BCL11B: variants seen among roughly 807,000 people sequenced by gnomAD.
BCL11B encodes the protein B-cell lymphoma/leukemia 11B.
BCL11B carries 8 observed loss-of-function variants against 49.9 expected under a neutral mutation model. The observed-to-expected ratio is 0.16, with a 90% CI of 0.09 to 0.29. The LOEUF (loss-of-function observed/expected upper bound fraction) is 0.29. Among genes scored for constraint, BCL11B ranks in the 10% least tolerant of loss-of-function variants. BCL11B has a pLI of 1.00. For missense variants in BCL11B, 1,006 were observed against 1,351.0 expected (o/e 0.74, Z 4.00); for synonymous variants, 739 against 637.4 (o/e 1.16, Z -2.40).
At chr14:99,204,656 G>A (rs978551086) in intron 3 of BCL11B, among the ~76,000 whole-genome samples, 1 of 152,194 alleles carries the variant, frequency 6.6e-6, no homozygotes, top group Non-Finnish European at 1.5e-5. Context: ...CCAGTGCTGG[G>A]CATCTGGGAG....
chr14:99,263,115 G>A (rs1489878200), intron 1 of BCL11B: 2 of 152,886 alleles, frequency 1.3e-5, no homozygotes, highest in Non-Finnish European at 2.9e-5. Context: ...CAGCCAGGCG[G>A]AGTCTGAAGC....
At position 99,231,266 on chromosome 14, in the gene BCL11B, C is replaced by T. The variant is rs1888323455; in HGVS notation, c.640+79G>A. ...TGGGAGCTGCCCTTCCTCCCTGGGTCCCCACCTTGCTCCAGCGCTGCCCAT... is the reference window on the plus strand; with the variant it reads ...TGGGAGCTGCCCTTCCTCCCTGGGTTCCCACCTTGCTCCAGCGCTGCCCAT... On this transcript the variant is annotated intron_variant, in intron 3 of 3. Transcript: ENST00000357195. The surrounding 1 kb of genome is among the most constrained non-coding windows in gnomAD (Gnocchi z 8.1). The T allele has an allele frequency of 6.8e-7, 1 of 1,470,930 alleles. No individual in the cohort carries two copies. Among genetic ancestry groups the T allele is most frequent in the Non-Finnish European group, 9.2e-7 (1 of 1,084,936 alleles). 91.1% of individuals were successfully genotyped at this position (1,470,930 alleles called of 1,614,324 possible). A position where few individuals can be genotyped will look rare whatever the true frequency, so the allele number is the denominator to read the frequency against.
intron 2 of BCL11B, among the ~76,000 whole-genome samples, chr14:99,255,568 C>G (rs1889138459): frequency 6.6e-6 from 1 of 152,118 alleles, no homozygotes; most frequent in African/African-American, 2.4e-5. Flanking sequence ...TTGGGAAATG[C>G]CTTCAATGTG....
intron 3 of BCL11B, among the ~76,000 whole-genome samples, chr14:99,216,575 G>A (rs1887840918): frequency 6.6e-6 from 1 of 152,172 alleles, no homozygotes; most frequent in Non-Finnish European, 1.5e-5. Flanking sequence ...GTCTCCCCCA[G>A]GAGGTACTAA....
chr14:99,232,297 G>C lies in BCL11B; in HGVS notation c.428-740C>G, dbSNP rs1458814204. Among the ~76,000 whole-genome samples the C allele has an allele frequency of 2.0e-5, 3 of 152,044 alleles. No individual in the cohort carries two copies. ...CAGCAAGGACACAGGGCCAGGGCCG[G>C]CCCCGCCTCTGCCCAGCCCCACAGC... On this transcript the variant is annotated intron_variant, in intron 2 of 3. Coordinates refer to ENST00000357195, the MANE Select transcript of BCL11B (RefSeq NM_138576.4). This position sits in a 1 kb window ranked among gnomAD's most constrained non-coding sequence, Gnocchi z 5.1.
At chr14:99,203,751 C>A (rs1429865601) in intron 3 of BCL11B, among the ~76,000 whole-genome samples, 2 of 152,130 alleles carry the variant, frequency 1.3e-5, no homozygotes, top group Non-Finnish European at 2.9e-5. Context: ...GAAGGGAGCC[C>A]CCCTACCCCC....
At chr14:99,238,112 C>T (rs1045212365) in intron 2 of BCL11B, among the ~76,000 whole-genome samples, 12 of 152,058 alleles carry the variant, frequency 7.9e-5, no homozygotes, top group Non-Finnish European at 1.5e-4. Context: ...AAGGCTTGGC[C>T]GTGAGGGAGA....
chr14:99,248,065 G>T lies in BCL11B; in HGVS notation c.427+9406C>A, dbSNP rs1233021729. Among the ~76,000 whole-genome samples the T allele has an allele frequency of 6.6e-6, 1 of 152,034 alleles. No individual in the cohort carries two copies. The highest frequency in any genetic ancestry group is 2.1e-4 in the South Asian group (1 of 4,822). The stretch of plus-strand genomic sequence containing the variant: ...AAGGCTATTTTGTTACTATTTTTCC[G>T]CCCAGAGGAGGCTGTGGTCCCAGTT... On this transcript the variant is annotated intron_variant, in intron 2 of 3. Coordinates refer to ENST00000357195, the MANE Select transcript of BCL11B (RefSeq NM_138576.4). The surrounding 1 kb of genome is among the most constrained non-coding windows in gnomAD (Gnocchi z 4.7).
chr14:99,183,200 G>C (rs1224078401), intron 3 of BCL11B, among the ~76,000 whole-genome samples: 1 of 152,114 alleles, frequency 6.6e-6, no homozygotes, highest in Non-Finnish European at 1.5e-5. Context: ...CATGATGCCA[G>C]ACCCACCCAC....
chr14:99,174,992 G>A lies in BCL11B; in HGVS notation c.1844C>T (p.Ala615Val). Residue 615 changes from alanine to valine, a missense_variant, in exon 4 of 4, where the codon GCC becomes GTC. By Grantham distance (64) the Ala-to-Val change is moderately conservative. Transcript: ENST00000357195. ...GALPQYGELLADKQKRGAFLK... is the reference protein window; with the variant it reads ...GALPQYGELLVDKQKRGAFLK... ...GAAGGCGCCGCGCTTCTGCTTGTCG[G>A]CCAGGAGCTCGCCGTACTGCGGCAG... is the stretch of plus-strand genomic sequence containing the variant. 6.3e-7 allele frequency: 1 copy of A among 1,580,262 alleles called. No individual in the cohort carries two copies. Among genetic ancestry groups the A allele is most frequent in the Non-Finnish European group, 8.5e-7 (1 of 1,170,284 alleles).
At chr14:99,181,432 C>T (rs541387114) in intron 3 of BCL11B, among the ~76,000 whole-genome samples, 14 of 152,380 alleles carry the variant, frequency 9.2e-5, no homozygotes, top group African/African-American at 2.6e-4. Flanking sequence ...CAAAGCGGCA[C>T]GGCCAGAAAG....
rs990457757 is a variant in BCL11B, at chr14:99,231,412, G to C, written c.573C>G (p.Val191=). Residue 191 remains valine (V), a synonymous_variant, in exon 3 of 4, where the codon GTC becomes GTG. Coordinates refer to ENST00000357195, the MANE Select transcript of BCL11B (RefSeq NM_138576.4). This position sits in a 1 kb window ranked among gnomAD's most constrained non-coding sequence, Gnocchi z 8.1. ...CCTCACCCTGAGTCCCGTCACCCGA[G>C]ACCGGGCGCGCGCTGCAGCACGGCA... is the stretch of plus-strand genomic sequence containing the variant. ...LPLPCCSARP[V]SGDGTQGEGQ... The C allele has an allele frequency of 6.3e-7, 1 of 1,597,732 alleles. No individual in the cohort carries two copies.
intron 2 of BCL11B, among the ~76,000 whole-genome samples, chr14:99,245,637 C>T (rs1429838525): frequency 6.6e-6 from 1 of 152,142 alleles, no homozygotes; most frequent in Non-Finnish European, 1.5e-5. Flanking sequence ...CGTGCGCCCC[C>T]AGCACCCGGG....
At chr14:99,211,301 A>C (rs1285179247) in intron 3 of BCL11B, among the ~76,000 whole-genome samples, 1 of 152,206 alleles carries the variant, frequency 6.6e-6, no homozygotes, top group African/African-American at 2.4e-5. Context: ...ATGGGCAACC[A>C]GGGGAGTAAA....
At position 99,254,096 on chromosome 14, in the gene BCL11B, C is replaced by T. The variant is rs116542547; in HGVS notation, c.427+3375G>A. 2.1e-3 allele frequency among the ~76,000 whole-genome samples: 320 copies of T among 152,316 alleles called. 3 individuals carry two copies. The highest frequency in any genetic ancestry group is 7.3e-3 in the African/African-American group (302 of 41,572). On this transcript the variant is annotated intron_variant, in intron 2 of 3. Transcript: ENST00000357195. ...CTCTGCCCATTATCCCCATGTTGGA[C>T]GCCCGCTCCCTCCTCTGGGGGCTGT...
intron 3 of BCL11B, among the ~76,000 whole-genome samples, chr14:99,187,087 G>A (rs1886874164): frequency 6.6e-6 from 1 of 152,214 alleles, no homozygotes; most frequent in African/African-American, 2.4e-5. Flanking sequence ...ATGCACCCGA[G>A]ATTTCCCAAA....
Position 99,229,055 on chromosome 14 carries a change from G to GATGA in BCL11B, c.640+2289_640+2290insTCAT, listed in dbSNP as rs1304083161. Among the ~76,000 whole-genome samples, 564 of 123,222 alleles carry GATGA rather than the reference G, an allele frequency of 4.6e-3. 15 individuals are homozygous for GATGA. In the East Asian group the frequency reaches 0.11, roughly 24 times the overall value. The allele number at this position is 123,222 out of a possible 152,430, so 80.8% of individuals were successfully genotyped here. ...GGATGGATGGATGCATGGATGGATG[G>GATGA]ATGGATGGATGGATGGATGGATGGA... On this transcript the variant is annotated intron_variant, in intron 3 of 3. Transcript: ENST00000357195.
In BCL11B at chr14:99,248,199, C is replaced by T. The variant is rs1888902426; in HGVS notation, c.427+9272G>A. ...CTCCTCTCCCAACCCTCAGCACAGA[C>T]TCCTCCTTTCTGAGACACCCCAGGG... On this transcript the variant is annotated intron_variant, in intron 2 of 3. Coordinates refer to ENST00000357195, the MANE Select transcript of BCL11B (RefSeq NM_138576.4). This position sits in a 1 kb window ranked among gnomAD's most constrained non-coding sequence, Gnocchi z 4.7. Among the ~76,000 whole-genome samples the T allele has an allele frequency of 6.6e-6, 1 of 152,144 alleles. No homozygotes were observed. The highest frequency in any genetic ancestry group is 2.4e-5 in the African/African-American group (1 of 41,432).
At chr14:99,229,119 A>AATGG (rs5810933) in intron 3 of BCL11B, among the ~76,000 whole-genome samples, 33,863 of 137,868 alleles carry the variant, frequency 0.25, 4,150 homozygotes, top group African/African-American at 0.35. Context: ...TACAGGGATG[A>AATGG]ATGGATGGAT....
Sources: gnomAD v4.1 joint callset for allele counts (sites outside exome capture counted in the v4.1 genomes callset) on GRCh38, gnomAD v4.1.1 for gene constraint, Gnocchi (gnomAD v3.1) non-coding constraint, MANE v1.5 for transcripts, NCBI Gene and HGNC (gene_info 2026-07-23, HGNC 2026-07-21) for gene names.